The following MICU1 variants were observed in gnomAD, a reference collection of about 807,000 sequenced individuals.
MICU1 encodes the protein calcium uptake protein 1, mitochondrial.
A neutral mutation model predicts 56.8 loss-of-function variants in MICU1; 45 were observed. The ratio of observed to expected loss-of-function variants is 0.79; its 90% confidence interval spans 0.62 to 1.02. The LOEUF is 1.02. Among genes scored for constraint, MICU1 ranks in the 50% least tolerant of loss-of-function variants. MICU1 has a pLI of 0.00. For missense variants in MICU1, 504 were observed against 587.1 expected (o/e 0.86, Z 1.46); for synonymous variants, 186 against 195.1 (o/e 0.95, Z 0.39).
chr10:72,594,986 C>T (rs1841335422), intron 1 of MICU1, among the ~76,000 whole-genome samples: 1 of 124,144 alleles, frequency 8.1e-6, no homozygotes, highest in Non-Finnish European at 1.8e-5. Context: ...AAATCGAATA[C>T]AAGACTTAGG....
chr10:72,553,015 G>A (rs778578611), intron 3 of MICU1, among the ~76,000 whole-genome samples: 2 of 152,166 alleles, frequency 1.3e-5, no homozygotes, highest in Non-Finnish European at 2.9e-5. Flanking sequence ...GCAAATTTGT[G>A]ACCACATATG....
At chr10:72,380,927 T>G (rs1471860704) in intron 10 of MICU1, among the ~76,000 whole-genome samples, 1 of 152,240 alleles carries the variant, frequency 6.6e-6, no homozygotes, top group Non-Finnish European at 1.5e-5. Flanking sequence ...GCACCAGCAT[T>G]AATTATAGGT....
intron 4 of MICU1, among the ~76,000 whole-genome samples, chr10:72,541,924 A>G (rs1157814710): frequency 1.3e-5 from 2 of 152,234 alleles, no homozygotes; most frequent in East Asian, 3.8e-4. Flanking sequence ...GTATAAATGT[A>G]TACAAATAAT....
intron 1 of MICU1, among the ~76,000 whole-genome samples, chr10:72,584,931 C>T (rs972486945): frequency 2.0e-5 from 3 of 151,872 alleles, no homozygotes; most frequent in Admixed American, 2.0e-4. Context: ...AAACACTGCT[C>T]CAAAGGAAAT....
intron 1 of MICU1, among the ~76,000 whole-genome samples, chr10:72,599,324 T>C (rs1487634041): frequency 6.6e-6 from 1 of 152,192 alleles, no homozygotes; most frequent in Non-Finnish European, 1.5e-5. Flanking sequence ...AATGCAAACA[T>C]TTAAATATTA....
At chr10:72,456,852 TGTGTGTGTGTGTGTGTGTGTG>T (rs1865476988) in intron 8 of MICU1, among the ~76,000 whole-genome samples, 1 of 12,082 alleles carries the variant, frequency 8.3e-5, no homozygotes, top group Non-Finnish European at 2.3e-4. Context: ...GCTCATTTTG[TGTGTGTGTGTGTGTGTGTGTG>T]TGTGTGTGTG....
Position 72,573,307 on chromosome 10 carries a change from C to CAAAAAAAAA in MICU1, c.-1-6522_-1-6514dup, listed in dbSNP as rs58866778. Among the ~76,000 whole-genome samples the CAAAAAAAAA allele has an allele frequency of 5.7e-4, 12 of 21,016 alleles. 2 individuals carry two copies. The highest frequency in any genetic ancestry group is 2.7e-3 in the East Asian group (2 of 746). The allele number at this position is 21,016 out of a possible 152,430, so 13.8% of individuals were successfully genotyped here. A position where few individuals can be genotyped will look rare whatever the true frequency, so the allele number is the denominator to read the frequency against. On this transcript the variant is annotated intron_variant, in intron 1 of 11. Coordinates refer to ENST00000361114, the MANE Select transcript of MICU1 (RefSeq NM_001195518.2). ...AAACATAATGAGACCCCCATCACTA[C>CAAAAAAAAA]AAAAAAAAAAAAAAAAAAAAAAAAA...
intron 8 of MICU1, among the ~76,000 whole-genome samples, chr10:72,464,372 A>ACAC (rs1272542481): frequency 6.6e-6 from 1 of 151,758 alleles, no homozygotes; most frequent in East Asian, 1.9e-4. Flanking sequence ...GCACGCGCAC[A>ACAC]CACGTATACA....
At chr10:72,520,013 C>T (rs561067605) in intron 5 of MICU1, among the ~76,000 whole-genome samples, 1 of 152,070 alleles carries the variant, frequency 6.6e-6, no homozygotes, top group Admixed American at 6.6e-5. Context: ...TAATATTTTG[C>T]TACATTGCTG....
chr10:72,484,379 A>C (rs76206061), intron 6 of MICU1, among the ~76,000 whole-genome samples: 1 of 151,952 alleles, frequency 6.6e-6, no homozygotes, highest in Non-Finnish European at 1.5e-5. Context: ...TAAAAAAAAA[A>C]TTCTCCTGGT....
At chr10:72,489,691 T>C (rs988500659) in intron 6 of MICU1, among the ~76,000 whole-genome samples, 2 of 152,216 alleles carry the variant, frequency 1.3e-5, no homozygotes, top group African/African-American at 4.8e-5. Flanking sequence ...TGCTTTCAGG[T>C]ACATTTTTCA....
chr10:72,556,872 C>A (rs1840171522), intron 3 of MICU1, among the ~76,000 whole-genome samples: 1 of 151,714 alleles, frequency 6.6e-6, no homozygotes, highest in Non-Finnish European at 1.5e-5. Flanking sequence ...CGAGACCAGC[C>A]TGGCCAAAAT....
intron 5 of MICU1, chr10:72,523,825 T>G: frequency 6.5e-7 from 1 of 1,528,178 alleles, no homozygotes; most frequent in Non-Finnish European, 8.8e-7. Flanking sequence ...CTTGAAGATC[T>G]CCTTGGCCCG....
chr10:72,540,443 G>A, intron 4 of MICU1, among the ~76,000 whole-genome samples: 1 of 152,032 alleles, frequency 6.6e-6, no homozygotes. Flanking sequence ...GAAGTCTGAG[G>A]TGGGAAGATC....
At chr10:72,518,600 T>C (rs1432963230) in intron 5 of MICU1, among the ~76,000 whole-genome samples, 5 of 152,166 alleles carry the variant, frequency 3.3e-5, no homozygotes, top group Non-Finnish European at 5.9e-5. Flanking sequence ...CTATGAGAAA[T>C]TTGTTTCATC....
At chr10:72,442,655 C>G (rs1461287878) in intron 8 of MICU1, among the ~76,000 whole-genome samples, 1 of 152,126 alleles carries the variant, frequency 6.6e-6, no homozygotes, top group East Asian at 1.9e-4. Flanking sequence ...GTACAAATGC[C>G]CTACTTACTG....
At chr10:72,548,315 A>C (rs1243406431) in intron 4 of MICU1, among the ~76,000 whole-genome samples, 2 of 152,250 alleles carry the variant, frequency 1.3e-5, no homozygotes, top group South Asian at 2.1e-4. Context: ...CTGAAGAGAC[A>C]TATCAATCAA....
At chr10:72,436,272 G>C (rs1468171746) in intron 8 of MICU1, among the ~76,000 whole-genome samples, 1 of 152,102 alleles carries the variant, frequency 6.6e-6, no homozygotes, top group Non-Finnish European at 1.5e-5. Context: ...AGGCAAACAG[G>C]GTCTGGAGTG....
chr10:72,462,897 CT>C (rs1427861888), intron 8 of MICU1, among the ~76,000 whole-genome samples: 1 of 152,184 alleles, frequency 6.6e-6, no homozygotes, highest in Non-Finnish European at 1.5e-5. Flanking sequence ...CTCCTTTTAT[CT>C]TGTGGCCAGT....
Sources: gnomAD v4.1 joint callset for allele counts (sites outside exome capture counted in the v4.1 genomes callset) on GRCh38, gnomAD v4.1.1 for gene constraint, MANE v1.5 for transcripts, NCBI Gene and HGNC (gene_info 2026-07-23, HGNC 2026-07-21) for gene names.